UTRN: variants seen among roughly 807,000 people sequenced by gnomAD.
The protein encoded by UTRN is utrophin.
In UTRN, 283 loss-of-function variants were observed where a neutral mutation model predicts 463.9. The ratio of observed to expected loss-of-function variants is 0.61; its 90% CI spans 0.55 to 0.67. The LOEUF is 0.67. UTRN is among the 30% of genes least tolerant of loss of function. UTRN has a pLI of 0.00. For synonymous variants in UTRN, 1,442 were observed against 1,431.5 expected (o/e 1.01, Z -0.17); for missense variants, 3,922 against 4,084.3 (o/e 0.96, Z 1.08).
intron 25 of UTRN, among the ~76,000 whole-genome samples, chr6:144,479,196 G>T (rs1216437582): frequency 7.2e-6 from 1 of 139,608 alleles, no homozygotes; most frequent in Non-Finnish European, 1.5e-5. Context: ...TCGGCTCACT[G>T]CAACCTCTGC....
At chr6:144,591,323 C>T (rs1803046820) in intron 51 of UTRN, among the ~76,000 whole-genome samples, 1 of 152,106 alleles carries the variant, frequency 6.6e-6, no homozygotes, top group Admixed American at 6.6e-5. Context: ...GAAATTTTCC[C>T]TGGGGTTGTT....
chr6:144,455,358 T>C (rs1011497174), intron 19 of UTRN, among the ~76,000 whole-genome samples: 1 of 152,234 alleles, frequency 6.6e-6, no homozygotes, highest in Non-Finnish European at 1.5e-5. Context: ...CAGTATTTAC[T>C]TGAAGAGATC....
chr6:144,448,513 A>G, intron 16 of UTRN, 87 bp from the exon 17 acceptor site: 1 of 1,439,266 alleles, frequency 6.9e-7, no homozygotes, highest in East Asian at 2.3e-5. Flanking sequence ...TAAATTGTGT[A>G]TTTCAAAGAA....
intron 13 of UTRN, among the ~76,000 whole-genome samples, chr6:144,442,657 T>G (rs1787287960): frequency 6.6e-6 from 1 of 152,116 alleles, no homozygotes; most frequent in Non-Finnish European, 1.5e-5. Context: ...TGTAAAACCA[T>G]CAGATCTCGT....
chr6:144,799,917 T>C (rs1777566321), intron 64 of UTRN, among the ~76,000 whole-genome samples: 1 of 152,192 alleles, frequency 6.6e-6, no homozygotes, highest in East Asian at 1.9e-4. Context: ...GAGAGAGAGA[T>C]TTAATATTAA....
At chr6:144,594,103 T>C (rs1803394365) in intron 51 of UTRN, among the ~76,000 whole-genome samples, 1 of 152,122 alleles carries the variant, frequency 6.6e-6, no homozygotes, top group South Asian at 2.1e-4. Context: ...CAAGCAAAAA[T>C]GAAAAATAAT....
chr6:144,455,308 T>C (rs1043850674), intron 19 of UTRN, among the ~76,000 whole-genome samples: 5 of 152,240 alleles, frequency 3.3e-5, no homozygotes, highest in Non-Finnish European at 5.9e-5. Context: ...TTGTCTTAGT[T>C]GTCCTTCCTG....
intron 51 of UTRN, among the ~76,000 whole-genome samples, chr6:144,658,275 T>G (rs894528654): frequency 1.3e-5 from 2 of 152,192 alleles, no homozygotes; most frequent in Non-Finnish European, 2.9e-5. Context: ...TTTTAAAAGC[T>G]TGTTAAAATT....
chr6:144,307,514 G>A (rs554847910), intron 2 of UTRN, among the ~76,000 whole-genome samples: 18 of 152,202 alleles, frequency 1.2e-4, no homozygotes, highest in Non-Finnish European at 2.5e-4. Context: ...TCTTCATAAT[G>A]TTTCTTTTTT....
intron 42 of UTRN, 47 bp downstream of exon 42, chr6:144,531,249 T>A (rs1204084047): frequency 6.4e-7 from 1 of 1,562,142 alleles, no homozygotes; most frequent in African/African-American, 1.4e-5. Flanking sequence ...ATGGTTAGTG[T>A]ATGCCTGTTA....
At chr6:144,537,784 G>T in intron 44 of UTRN, 67 bp downstream of exon 44, 5 of 1,534,032 alleles carry the variant, frequency 3.3e-6, no homozygotes, top group Non-Finnish European at 4.4e-6. Context: ...GTCACATACT[G>T]CGTGTCTCAA....
intron 2 of UTRN, among the ~76,000 whole-genome samples, chr6:144,329,672 A>T (rs948182670): frequency 2.0e-5 from 3 of 152,208 alleles, no homozygotes; most frequent in Admixed American, 1.3e-4. Flanking sequence ...ATCACAATGG[A>T]AGGAAATGCA....
intron 3 of UTRN, among the ~76,000 whole-genome samples, chr6:144,413,419 G>A (rs1220878494): frequency 1.3e-5 from 2 of 152,164 alleles, no homozygotes; most frequent in East Asian, 1.9e-4. Context: ...ATGGTGAGAA[G>A]CAAAGGAGGA....
intron 2 of UTRN, among the ~76,000 whole-genome samples, chr6:144,301,536 C>CTT (rs200484231): frequency 5.0e-3 from 466 of 92,702 alleles, no homozygotes; most frequent in Non-Finnish European, 7.6e-3. Flanking sequence ...TTCTTTCTTT[C>CTT]TTTTTTTTTT....
chr6:144,404,048 T>C (rs1250894338), intron 3 of UTRN, among the ~76,000 whole-genome samples: 1 of 152,250 alleles, frequency 6.6e-6, no homozygotes, highest in East Asian at 1.9e-4. Context: ...CAAACATTGG[T>C]ATTTCTTGAG....
intron 51 of UTRN, among the ~76,000 whole-genome samples, chr6:144,658,948 C>A (rs937891150): frequency 5.9e-5 from 9 of 152,168 alleles, no homozygotes; most frequent in African/African-American, 2.2e-4. Context: ...ACAGTAGTTT[C>A]TCTCATTAAG....
chr6:144,629,312 C>T (rs1318986681), intron 51 of UTRN, among the ~76,000 whole-genome samples: 1 of 151,962 alleles, frequency 6.6e-6, no homozygotes, highest in African/African-American at 2.4e-5. Flanking sequence ...CATAGACTGT[C>T]ACCGCCCTTG....
At chr6:144,568,130 T>G (rs1324365577) in intron 50 of UTRN, among the ~76,000 whole-genome samples, 1 of 152,176 alleles carries the variant, frequency 6.6e-6, no homozygotes, top group African/African-American at 2.4e-5. Context: ...GTGTTATAAA[T>G]CTGTCACCCG....
intron 51 of UTRN, among the ~76,000 whole-genome samples, chr6:144,656,491 A>C (rs1371281078): frequency 2.0e-5 from 3 of 152,316 alleles, no homozygotes; most frequent in Admixed American, 6.5e-5. Flanking sequence ...GGCTCACTGC[A>C]GCTTCGACCT....
Sources: gnomAD v4.1 joint callset for allele counts (sites outside exome capture counted in the v4.1 genomes callset) on GRCh38, gnomAD v4.1.1 for gene constraint, MANE v1.5 for transcripts, NCBI Gene and HGNC (gene_info 2026-07-23, HGNC 2026-07-21) for gene names.